The following WDR43 variants were observed in gnomAD, a reference collection of about 807,000 sequenced individuals.
WDR43 encodes WD repeat-containing protein 43.
WDR43 carries 13 observed loss-of-function variants against 91.4 expected under a neutral mutation model. The observed-to-expected ratio is 0.14, with a 90% CI of 0.09 to 0.23. The LOEUF (loss-of-function observed/expected upper bound fraction) is 0.23, where lower values mean the gene tolerates loss of function less well. WDR43 is among the 10% of genes least tolerant of loss of function. The pLI is 1.00. For missense variants in WDR43, 780 were observed against 809.4 expected, an observed-to-expected ratio of 0.96 and a Z score of 0.44; for synonymous variants, 331 against 287.9, an observed-to-expected ratio of 1.15 and a Z score of -1.51.
At chr2:28,929,001 T>C (rs1308589794) in intron 10 of WDR43, among the ~76,000 whole-genome samples, 1 of 152,178 alleles carries the variant, frequency 6.6e-6, no homozygotes, top group African/African-American at 2.4e-5. Flanking sequence ...TATAGCAAAT[T>C]GCATCATGTT....
Position 28,929,697 on chromosome 2 carries a change from T to C in WDR43, c.1424T>C (p.Phe475Ser). 6.2e-6 allele frequency: 10 copies of C among 1,612,684 alleles called. No homozygotes were observed. Among genetic ancestry groups the C allele is most frequent in the East Asian group, 2.2e-5 (1 of 44,854 alleles). The change falls in exon 11 of 18, where the codon TTT becomes TCT. Residue 475 changes from phenylalanine (F) to serine (S), a missense_variant. Transcript: ENST00000407426. Reference sequence around the variant, plus strand: ...ACCCAGGGCTTAGAAAGTAACGATTTTGAAATGCTAAATGTAAGTATATAG... The same window carrying C: ...ACCCAGGGCTTAGAAAGTAACGATTCTGAAATGCTAAATGTAAGTATATAG... ...LLTQGLESND[F>S]EMLNKVLQTR... is the part of the protein sequence containing the mutation.
chr2:28,939,793 G>A (rs1351153025), intron 14 of WDR43, among the ~76,000 whole-genome samples: 1 of 152,164 alleles, frequency 6.6e-6, no homozygotes, highest in South Asian at 2.1e-4. Context: ...AAATAGGAGT[G>A]CAGGTAAAGG....
chr2:28,902,198 C>A, intron 2 of WDR43, 74 bp downstream of exon 2: 1 of 1,415,290 alleles, frequency 7.1e-7, no homozygotes, highest in Non-Finnish European at 9.5e-7. Context: ...AAAAAAAAAA[C>A]ACTTCAAGGT....
chr2:28,943,026 A>G (rs1051740429), intron 16 of WDR43, among the ~76,000 whole-genome samples: 1 of 152,252 alleles, frequency 6.6e-6, no homozygotes, highest in African/African-American at 2.4e-5. Context: ...CTTTAAAAGA[A>G]ATAAAAAGTT....
intron 6 of WDR43, among the ~76,000 whole-genome samples, chr2:28,919,763 A>G (rs1373488751): frequency 2.6e-5 from 4 of 152,212 alleles, no homozygotes; most frequent in East Asian, 1.9e-4. Flanking sequence ...CAGTGCCCTC[A>G]CTATTCTGAT....
At chr2:28,905,665 CTT>C (rs942200958) in intron 2 of WDR43, among the ~76,000 whole-genome samples, 10 of 80,124 alleles carry the variant, frequency 1.2e-4, no homozygotes, top group Non-Finnish European at 7.8e-5. Context: ...CTCTTCTTCT[CTT>C]TTTTTTTTTT....
chr2:28,921,754 C>T (rs1473383227), intron 6 of WDR43, among the ~76,000 whole-genome samples: 1 of 152,100 alleles, frequency 6.6e-6, no homozygotes, highest in Non-Finnish European at 1.5e-5. Context: ...CCCTGTTGTC[C>T]AGGCTGGAGT....
At chr2:28,927,384 C>A in intron 9 of WDR43, 185 bp from the exon 10 acceptor site, 2 of 707,126 alleles carry the variant, frequency 2.8e-6, no homozygotes, top group Non-Finnish European at 4.4e-6. Context: ...AATTCACAGT[C>A]TTTCAGATTG....
intron 2 of WDR43, among the ~76,000 whole-genome samples, chr2:28,903,102 T>G (rs1454409047): frequency 2.0e-5 from 3 of 152,208 alleles, no homozygotes; most frequent in Non-Finnish European, 4.4e-5. Context: ...GTTCATCTAG[T>G]TTGTATCCTG....
intron 2 of WDR43, among the ~76,000 whole-genome samples, chr2:28,904,850 A>G (rs1016187729): frequency 2.6e-5 from 4 of 152,206 alleles, no homozygotes; most frequent in Non-Finnish European, 5.9e-5. Context: ...CTTAGCTTAG[A>G]TATGTACATA....
At position 28,940,220 on chromosome 2, in the gene WDR43, G is replaced by A. The variant is rs566144343; in HGVS notation, c.1621-1241G>A. 7.9e-5 allele frequency among the ~76,000 whole-genome samples: 12 copies of A among 151,630 alleles called. No homozygotes were observed. In the South Asian group the frequency reaches 1.0e-3, roughly 13 times the overall value. On this transcript the variant is annotated intron_variant, in intron 14 of 17. Transcript: ENST00000407426. ...TAGGGGGTGAGGTGGGGAAGCCAGC[G>A]TTGTTCTTTTTCTTTTTTTTTTTCT...
At chr2:28,910,051 G>T (rs1670759904) in intron 3 of WDR43, among the ~76,000 whole-genome samples, 2 of 152,174 alleles carry the variant, frequency 1.3e-5, no homozygotes. Context: ...AGGCTTAAAT[G>T]TACATACATC....
Position 28,894,942 on chromosome 2 carries a change from C to G in WDR43, c.225+19C>G. The G allele has an allele frequency of 6.6e-7, 1 of 1,526,110 alleles. No individual in the cohort carries two copies. The highest frequency in any genetic ancestry group is 8.8e-7 in the Non-Finnish European group (1 of 1,134,292). The allele number at this position is 1,526,110 out of a possible 1,614,324, so 94.5% of individuals were successfully genotyped here. A position where few individuals can be genotyped will look rare whatever the true frequency, so the allele number is the denominator to read the frequency against. ...GGCCAAGGTAAAGCGAGCGGGACTG[C>G]GCGGGGCGGGCGCCTTCCCGGGCTC... On this transcript the variant is annotated intron_variant, in intron 1 of 17. Coordinates refer to ENST00000407426, the MANE Select transcript of WDR43 (RefSeq NM_015131.3).
At chr2:28,935,216 A>C (rs1237137703) in intron 11 of WDR43, among the ~76,000 whole-genome samples, 1 of 152,202 alleles carries the variant, frequency 6.6e-6, no homozygotes, top group Admixed American at 6.5e-5. Flanking sequence ...GAACATCTTT[A>C]AAGTGGCATA....
At chr2:28,895,674 C>T (rs995961285) in intron 1 of WDR43, 7 of 152,006 alleles carry the variant, frequency 4.6e-5, no homozygotes, top group African/African-American at 1.7e-4. Flanking sequence ...GATGAAATTA[C>T]CCTTAGATGG....
At chr2:28,919,098 A>G (rs1004395701) in intron 6 of WDR43, among the ~76,000 whole-genome samples, 31 of 152,122 alleles carry the variant, frequency 2.0e-4, no homozygotes, top group African/African-American at 7.5e-4. Context: ...TCTCTACAAA[A>G]AATAAAAAAG....
chr2:28,918,326 G>A (rs921119529), intron 6 of WDR43, among the ~76,000 whole-genome samples: 3 of 54,412 alleles, frequency 5.5e-5, no homozygotes, highest in African/African-American at 5.6e-5. Flanking sequence ...ACTAAGGTGT[G>A]TGTGTGTGTG....
intron 3 of WDR43, among the ~76,000 whole-genome samples, chr2:28,910,335 A>C (rs909727722): frequency 6.6e-6 from 1 of 152,226 alleles, no homozygotes; most frequent in African/African-American, 2.4e-5. Context: ...GTATATGTTG[A>C]ATATTGAATG....
chr2:28,907,115 A>G (rs1414888525), intron 3 of WDR43, among the ~76,000 whole-genome samples: 2 of 152,200 alleles, frequency 1.3e-5, no homozygotes, highest in Admixed American at 6.5e-5. Flanking sequence ...ATTATAGACC[A>G]TTGATTATAG....
Sources: allele counts gnomAD v4.1 joint callset (sites outside exome capture counted in the v4.1 genomes callset), GRCh38; gene constraint gnomAD v4.1.1; transcripts MANE v1.5; gene names NCBI Gene and HGNC (gene_info 2026-07-23, HGNC 2026-07-21).